Variants in TMEM143 observed in about 807,000 individuals in gnomAD.
TMEM143 encodes transmembrane protein 143.
TMEM143 carries 45 observed loss-of-function variants against 40.3 expected under a neutral mutation model. The ratio of observed to expected loss-of-function variants is 1.12; its 90% confidence interval spans 0.88 to 1.43. TMEM143 has a LOEUF of 1.43. Among genes scored for constraint, TMEM143 ranks in the 40% most tolerant of loss-of-function variants. TMEM143 has a pLI of 0.00. For missense variants in TMEM143, 620 were observed against 613.4 expected, an observed-to-expected ratio of 1.01 and a Z score of -0.11; for synonymous variants, 299 against 282.7, an observed-to-expected ratio of 1.06 and a Z score of -0.58.
At chr19:48,334,414 CTCTCTTTCTT>C (rs1169231946) in intron 6 of TMEM143, among the ~76,000 whole-genome samples, 85 of 103,580 alleles carry the variant, frequency 8.2e-4, no homozygotes, top group Admixed American at 2.0e-3. Context: ...CTTTCTTTTT[CTCTCTTTCTT>C]TCTTTCTTTC....
At chr19:48,343,192 G>A in intron 5 of TMEM143, 129 bp downstream of exon 5, 1 of 1,209,722 alleles carries the variant, frequency 8.3e-7, no homozygotes, top group Admixed American at 2.7e-5. Flanking sequence ...ATTTGGATGA[G>A]TCACGCCTCC....
chr19:48,345,137 T>G, intron 4 of TMEM143, 23 bp downstream of exon 4: 5 of 1,609,960 alleles, frequency 3.1e-6, no homozygotes, highest in Non-Finnish European at 4.2e-6. Context: ...CTGGGAGTTT[T>G]GTTCTCCTAG....
intron 6 of TMEM143, among the ~76,000 whole-genome samples, chr19:48,340,113 C>T (rs1319711143): frequency 1.4e-5 from 2 of 139,810 alleles, no homozygotes; most frequent in Non-Finnish European, 3.0e-5. Flanking sequence ...ATTAACTTGT[C>T]AACTGGGATT....
chr19:48,361,178 C>A (rs1600929662), intron 2 of TMEM143, among the ~76,000 whole-genome samples: 1 of 151,482 alleles, frequency 6.6e-6, no homozygotes, highest in African/African-American at 2.4e-5. Context: ...GAAATGACTG[C>A]TATCTAGGCC....
intron 2 of TMEM143, chr19:48,360,615 G>T: frequency 6.1e-6 from 1 of 164,968 alleles, no homozygotes. Flanking sequence ...GGTTGGGTGG[G>T]GGCTGACCAA....
chr19:48,357,978 C>T (rs543693823), intron 3 of TMEM143, among the ~76,000 whole-genome samples: 1 of 152,126 alleles, frequency 6.6e-6, no homozygotes, highest in South Asian at 2.1e-4. Flanking sequence ...GTATAGTGTA[C>T]ACTGCTCTAG....
chr19:48,345,439 T>C, intron 3 of TMEM143, 85 bp from the exon 4 acceptor site: 2 of 842,006 alleles, frequency 2.4e-6, no homozygotes, highest in South Asian at 4.3e-5. Flanking sequence ...CCTCTCCAGA[T>C]ACTTTCATTT....
At position 48,333,151 on chromosome 19, in the gene TMEM143, A is replaced by C; in HGVS notation, c.*68T>G. On this transcript the variant is annotated 3_prime_UTR_variant, in exon 8 of 8. Transcript: ENST00000293261. This position sits in a 1 kb window ranked among gnomAD's most constrained non-coding sequence, Gnocchi z 4.1. ...GTGAAAAGTATAATAACCGTAATTG[A>C]CAGCCTGTCGTGAAGGAGGCGGGGC... 2 of 1,230,018 alleles carry C rather than the reference A, an allele frequency of 1.6e-6. No individual in the cohort carries two copies. Among genetic ancestry groups the C allele is most frequent in the Non-Finnish European group, 2.2e-6 (2 of 916,868 alleles). The allele number at this position is 1,230,018 out of a possible 1,614,324, so 76.2% of individuals were successfully genotyped here.
chr19:48,352,563 C>A (rs1203852813), intron 3 of TMEM143, among the ~76,000 whole-genome samples: 2 of 151,672 alleles, frequency 1.3e-5, no homozygotes, highest in East Asian at 3.9e-4. Flanking sequence ...TCACTTGAGG[C>A]CAGGAGTTCC....
At chr19:48,363,168 G>A in intron 2 of TMEM143, 123 bp downstream of exon 2, 1 of 1,348,824 alleles carries the variant, frequency 7.4e-7, no homozygotes, top group Non-Finnish European at 9.8e-7. Flanking sequence ...AACACGAAGG[G>A]ACCCGGGAAC....
At chr19:48,349,136 G>T (rs1969710023) in intron 3 of TMEM143, among the ~76,000 whole-genome samples, 1 of 152,056 alleles carries the variant, frequency 6.6e-6, no homozygotes, top group South Asian at 2.1e-4. Context: ...AGTCTATAGT[G>T]AGCCATGATC....
At chr19:48,339,672 C>A (rs1464577158) in intron 6 of TMEM143, among the ~76,000 whole-genome samples, 1 of 151,970 alleles carries the variant, frequency 6.6e-6, no homozygotes, top group African/African-American at 2.4e-5. Flanking sequence ...AACTGAAGCG[C>A]AGGAGGGGAC....
At chr19:48,350,442 C>T (rs1284684518) in intron 3 of TMEM143, among the ~76,000 whole-genome samples, 2 of 152,106 alleles carry the variant, frequency 1.3e-5, no homozygotes, top group African/African-American at 2.4e-5. Context: ...TGTTATCCCC[C>T]TGCAGGGCAC....
chr19:48,336,799 C>T (rs1969380241), intron 6 of TMEM143, among the ~76,000 whole-genome samples: 3 of 151,034 alleles, frequency 2.0e-5, no homozygotes, highest in East Asian at 2.0e-4. Flanking sequence ...ATCAAGACCA[C>T]GAGGTCAGGA....
Position 48,333,181 on chromosome 19 carries a change from T to A in TMEM143, c.*38A>T, listed in dbSNP as rs376977303. 18 of 1,399,184 alleles carry A rather than the reference T, an allele frequency of 1.3e-5. No individual in the cohort carries two copies. The African/African-American group carries it at 2.6e-4, about 20-fold the overall frequency. 86.7% of individuals were successfully genotyped at this position (1,399,184 alleles called of 1,614,324 possible). ...CTGTCGTGAAGGAGGCGGGGCTTAG[T>A]TCCTAGCCTGCTGACTGGGCAGGGA... On this transcript the variant is annotated 3_prime_UTR_variant, in exon 8 of 8. Transcript: ENST00000293261. This position sits in a 1 kb window ranked among gnomAD's most constrained non-coding sequence, Gnocchi z 4.1.
rs1165208030 is a variant in TMEM143, at chr19:48,333,198, G to A, written c.*21C>T. 8 of 1,427,350 alleles carry A rather than the reference G, an allele frequency of 5.6e-6. No individual in the cohort carries two copies. In the African/African-American group the frequency reaches 7.1e-5, roughly 13 times the overall value. The allele number at this position is 1,427,350 out of a possible 1,614,324, so 88.4% of individuals were successfully genotyped here. On this transcript the variant is annotated 3_prime_UTR_variant, in exon 8 of 8. Transcript: ENST00000293261. The surrounding 1 kb of genome is among the most constrained non-coding windows in gnomAD (Gnocchi z 4.1). The stretch of plus-strand genomic sequence containing the variant: ...GGGCTTAGTTCCTAGCCTGCTGACT[G>A]GGCAGGGAGGTAGGTTCTACTCAGG...
At chr19:48,336,511 T>G (rs1043355065) in intron 6 of TMEM143, among the ~76,000 whole-genome samples, 2 of 147,436 alleles carry the variant, frequency 1.4e-5, no homozygotes, top group African/African-American at 2.5e-5. Context: ...GGCAACAGAG[T>G]GGGACTCTGT....
intron 3 of TMEM143, among the ~76,000 whole-genome samples, chr19:48,348,025 C>CAAAAAAAAAAAA (rs556686693): frequency 9.7e-6 from 1 of 103,322 alleles, no homozygotes; most frequent in Non-Finnish European, 1.9e-5. Flanking sequence ...GACCCTGTCT[C>CAAAAAAAAAAAA]AAAAAAAAAA....
intron 2 of TMEM143, among the ~76,000 whole-genome samples, chr19:48,361,672 G>A (rs1328242175): frequency 2.6e-5 from 4 of 152,064 alleles, no homozygotes; most frequent in African/African-American, 9.7e-5. Flanking sequence ...TGGGACTACA[G>A]GAGCCTGCCA....
Sources: gnomAD v4.1 joint callset for allele counts (sites outside exome capture counted in the v4.1 genomes callset) on GRCh38, gnomAD v4.1.1 for gene constraint, Gnocchi (gnomAD v3.1) non-coding constraint, MANE v1.5 for transcripts, NCBI Gene and HGNC (gene_info 2026-07-23, HGNC 2026-07-21) for gene names.